The following MSN variants were observed in gnomAD, a reference collection of about 807,000 sequenced individuals.
MSN encodes moesin.
Under a neutral mutation model 48.0 loss-of-function variants are expected in MSN, and 2 were observed. The observed-to-expected ratio is 0.04, with a 90% confidence interval of 0.02 to 0.13. The LOEUF (loss-of-function observed/expected upper bound fraction) is 0.13, where lower values mean the gene tolerates loss of function less well. Ranked by LOEUF, MSN falls within the 10% of genes least tolerant of loss-of-function variation. MSN has a pLI of 1.00. For missense variants in MSN, 267 were observed against 470.1 expected (o/e 0.57, Z 3.99); for synonymous variants, 146 against 166.9 (o/e 0.87, Z 0.97).
In MSN at chrX:65,606,097, C is replaced by T. The variant is rs186990373; in HGVS notation, c.-22+17485C>T. 4.4e-4 allele frequency among the ~76,000 whole-genome samples: 48 copies of T among 108,293 alleles called. 1 individual carries two copies. The East Asian group carries it at 0.012, about 26-fold the overall frequency. The allele number at this position is 108,293 out of a possible 115,157, so 94.0% of individuals were successfully genotyped here. ...GACTGGGTCTACAAGTATGCACCACCATACCGAGGATTTTTTTTGTTTTTT... is the reference window on the plus strand; with the variant it reads ...GACTGGGTCTACAAGTATGCACCACTATACCGAGGATTTTTTTTGTTTTTT... On this transcript the variant is annotated intron_variant, in intron 1 of 3. Coordinates refer to the MSN transcript ENST00000609672.
At chrX:65,645,113 T>C (rs756026027) in intron 1 of MSN, among the ~76,000 whole-genome samples, 2 of 110,281 alleles carry the variant, frequency 1.8e-5, no homozygotes, top group East Asian at 6.0e-4. Context: ...CACCCTCCCC[T>C]GTCTGGGCTT....
intron 1 of MSN, among the ~76,000 whole-genome samples, chrX:65,658,861 T>C (rs1472006072): frequency 1.8e-5 from 2 of 111,113 alleles, no homozygotes; most frequent in East Asian, 2.8e-4. Flanking sequence ...TCTTTTTTTT[T>C]TGAGACGAAG....
chrX:65,722,729 C>T (rs776828544), intron 2 of MSN, among the ~76,000 whole-genome samples: 3 of 110,783 alleles, frequency 2.7e-5, no homozygotes, highest in Non-Finnish European at 5.7e-5. Context: ...ATGCTCTGGG[C>T]TTTTGAAGTG....
At chrX:65,722,978 G>T (rs1045165974) in intron 2 of MSN, among the ~76,000 whole-genome samples, 8 of 110,202 alleles carry the variant, frequency 7.3e-5, no homozygotes, top group Non-Finnish European at 1.1e-4. Flanking sequence ...TTTTTTTCTT[G>T]CTTCCAGAAG....
exon 1 of MSN, chrX:65,588,555 C>T (rs1205886035): frequency 5.0e-6 from 4 of 805,428 alleles, no homozygotes; most frequent in Non-Finnish European, 6.0e-6. Context: ...AGCCCCGCCG[C>T]TCAACCAGCC....
At chrX:65,677,766 G>GA (rs1028353045) in intron 1 of MSN, among the ~76,000 whole-genome samples, 52 of 99,109 alleles carry the variant, frequency 5.2e-4, no homozygotes, top group South Asian at 8.6e-4. Context: ...TAAAAAAAAA[G>GA]AAAAAAAAAA....
intron 1 of MSN, among the ~76,000 whole-genome samples, chrX:65,682,837 C>A (rs757098942): frequency 8.9e-5 from 10 of 112,258 alleles, no homozygotes; most frequent in Admixed American, 2.8e-4. Flanking sequence ...TTCCATTGAT[C>A]CACTGGAAAC....
intron 1 of MSN, among the ~76,000 whole-genome samples, chrX:65,614,684 A>T (rs1396775268): frequency 4.1e-4 from 34 of 82,432 alleles, no homozygotes; most frequent in South Asian, 1.0e-3. Context: ...TTTTTCTTTT[A>T]TTTATTTATT....
chrX:65,598,587 G>A (rs1007539623), intron 1 of MSN, among the ~76,000 whole-genome samples: 12 of 111,611 alleles, frequency 1.1e-4, no homozygotes, highest in Non-Finnish European at 2.1e-4. Flanking sequence ...AAAAAATCGA[G>A]GCCAGAGAGC....
At chrX:65,675,843 G>C (rs1280861833) in intron 1 of MSN, among the ~76,000 whole-genome samples, 2 of 111,381 alleles carry the variant, frequency 1.8e-5, no homozygotes, top group African/African-American at 6.5e-5. Flanking sequence ...TCACCATGTT[G>C]GCCAGGCTGG....
At chrX:65,623,604 A>C (rs1291437442) in intron 1 of MSN, among the ~76,000 whole-genome samples, 2 of 109,745 alleles carry the variant, frequency 1.8e-5, no homozygotes, top group Non-Finnish European at 3.8e-5. Flanking sequence ...CGAGGTCAGG[A>C]GTTCAAGACC....
chrX:65,676,696 G>C (rs1270155044), intron 1 of MSN, among the ~76,000 whole-genome samples: 1 of 111,641 alleles, frequency 9.0e-6, no homozygotes, highest in Non-Finnish European at 1.9e-5. Context: ...CTTTAGCCTT[G>C]GCCTCCATTA....
chrX:65,620,564 G>A (rs984822109), intron 1 of MSN, among the ~76,000 whole-genome samples: 3 of 113,063 alleles, frequency 2.7e-5, no homozygotes, highest in African/African-American at 9.6e-5. Flanking sequence ...GTCCTGCTTC[G>A]GGTCGCGCAC....
At chrX:65,662,989 G>A (rs765369696), upstream of MSN, among the ~76,000 whole-genome samples, 2 of 111,930 alleles carry the variant, frequency 1.8e-5, no homozygotes, top group South Asian at 7.3e-4. Flanking sequence ...CAGGCGTGGC[G>A]GCTCACGCCT....
At chrX:65,670,160 T>G (rs2070916716) in intron 1 of MSN, among the ~76,000 whole-genome samples, 2 of 111,859 alleles carry the variant, frequency 1.8e-5, no homozygotes, top group South Asian at 7.4e-4. Context: ...CTTTTCTTAT[T>G]CCTCATACCA....
chrX:65,672,616 T>C (rs1265127486), intron 1 of MSN, among the ~76,000 whole-genome samples: 2 of 111,904 alleles, frequency 1.8e-5, no homozygotes, highest in African/African-American at 6.5e-5. Flanking sequence ...ATGGAAAGCA[T>C]CACTGAACTG....
At chrX:65,691,621 C>G (rs920522259) in intron 1 of MSN, among the ~76,000 whole-genome samples, 2 of 111,030 alleles carry the variant, frequency 1.8e-5, no homozygotes, top group African/African-American at 3.3e-5. Context: ...TATGCTGCCT[C>G]AGCCTCCCGA....
chrX:65,692,824 C>G (rs2071188492), intron 1 of MSN, among the ~76,000 whole-genome samples: 1 of 111,067 alleles, frequency 9.0e-6, no homozygotes, highest in African/African-American at 3.3e-5. Flanking sequence ...GGATTACAGG[C>G]GCCCACCACC....
At position 65,741,114 on chromosome X, in the gene MSN, G is replaced by A. The variant is rs2071732033; in HGVS notation, c.*1221G>A. On this transcript the variant is annotated 3_prime_UTR_variant, in exon 13 of 13. Coordinates refer to ENST00000360270, the MANE Select transcript of MSN (RefSeq NM_002444.3). ...AGGTGACTGGGCCCTGCCTCTGTTT[G>A]ACAAACCTCTAACCCAGGTCTTGAC... 5.9e-6 allele frequency: 1 copy of A among 168,171 alleles called. No individual in the cohort carries two copies. Among genetic ancestry groups the A allele is most frequent in the African/African-American group, 3.0e-5 (1 of 33,332 alleles). The allele number at this position is 168,171 out of a possible 1,213,427, so 13.9% of individuals were successfully genotyped here. A position where few individuals can be genotyped will look rare whatever the true frequency, so the allele number is the denominator to read the frequency against.
Sources: allele counts gnomAD v4.1 joint callset (sites outside exome capture counted in the v4.1 genomes callset), GRCh38; gene constraint gnomAD v4.1.1; transcripts MANE v1.5; gene names NCBI Gene and HGNC (gene_info 2026-07-23, HGNC 2026-07-21).